The following CASP8 variants were observed in gnomAD, a reference collection of about 807,000 sequenced individuals.
CASP8 encodes caspase 8, also known as caspase-8.
A neutral mutation model predicts 46.3 loss-of-function variants in CASP8; 24 were observed. The ratio of observed to expected loss-of-function variants is 0.52; its 90% CI spans 0.38 to 0.73. The LOEUF (loss-of-function observed/expected upper bound fraction) is 0.73. Ranked by LOEUF, CASP8 falls within the 30% of genes least tolerant of loss-of-function variation. CASP8 has a pLI of 0.00. For synonymous variants in CASP8, 188 were observed against 200.4 expected (o/e 0.94, Z 0.52); for missense variants, 460 against 559.0 (o/e 0.82, Z 1.79).
rs890936311 is a variant in CASP8, at chr2:201,280,374, G to A, written c.802+3406G>A. On this transcript the variant is annotated intron_variant, in intron 7 of 8. Transcript: ENST00000673742. ...TGGAACTTTCCAAGAACGAAATGACGCAATCTCCAGATTGAAAGGGTATAA... is the reference window on the plus strand; with the variant it reads ...TGGAACTTTCCAAGAACGAAATGACACAATCTCCAGATTGAAAGGGTATAA... 4.6e-5 allele frequency among the ~76,000 whole-genome samples: 7 copies of A among 152,148 alleles called. No homozygotes were observed. In the South Asian group the frequency reaches 8.3e-4, roughly 18 times the overall value.
intron 2 of CASP8, among the ~76,000 whole-genome samples, chr2:201,238,176 G>T (rs116212362): frequency 6.6e-6 from 1 of 152,094 alleles, no homozygotes; most frequent in Admixed American, 6.6e-5. Context: ...AAAGTATGAG[G>T]GAACAACAGG....
At chr2:201,268,977 C>T (rs948343760) in intron 2 of CASP8, among the ~76,000 whole-genome samples, 5 of 150,490 alleles carry the variant, frequency 3.3e-5, no homozygotes, top group Non-Finnish European at 5.9e-5. Context: ...CTCACTACAT[C>T]GCCCAAGCTG....
At chr2:201,274,756 C>A (rs1367630917) in intron 5 of CASP8, 133 bp from the exon 6 acceptor site, 13 of 743,356 alleles carry the variant, frequency 1.7e-5, no homozygotes, top group Non-Finnish European at 2.6e-5. Context: ...GGATTACCGG[C>A]GTGAGCCCCT....
chr2:201,281,776 A>G (rs1330894315), intron 7 of CASP8: 1 of 1,108,822 alleles, frequency 9.0e-7, no homozygotes, highest in Non-Finnish European at 1.3e-6. Context: ...CTTGTAAACT[A>G]GTTTACTAGA....
chr2:201,278,535 T>G (rs528766615), intron 7 of CASP8, among the ~76,000 whole-genome samples: 1 of 152,084 alleles, frequency 6.6e-6, no homozygotes, highest in South Asian at 2.1e-4. Context: ...TAGACTGTAT[T>G]TTTTCTTTTT....
At chr2:201,243,325 T>C (rs1559330127) in intron 2 of CASP8, among the ~76,000 whole-genome samples, 1 of 152,220 alleles carries the variant, frequency 6.6e-6, no homozygotes. Flanking sequence ...CTAATTTCCA[T>C]TTAATTAAAA....
intron 5 of CASP8, 87 bp downstream of exon 5, chr2:201,273,029 C>A: frequency 1.9e-6 from 2 of 1,073,484 alleles, no homozygotes; most frequent in Non-Finnish European, 2.9e-6. Context: ...CTACCACATG[C>A]ACATCTTAAC....
intron 2 of CASP8, among the ~76,000 whole-genome samples, chr2:201,247,817 T>G (rs1264929120): frequency 6.6e-6 from 1 of 152,158 alleles, no homozygotes; most frequent in Non-Finnish European, 1.5e-5. Context: ...GCTAATTTTT[T>G]GTATTTTTAG....
chr2:201,253,293 C>CTTCT (rs1946867298), intron 2 of CASP8, among the ~76,000 whole-genome samples: 1 of 67,954 alleles, frequency 1.5e-5, no homozygotes, highest in Non-Finnish European at 2.6e-5. Context: ...CTAGCCTGAT[C>CTTCT]TTTTTTTTTT....
Sources: gnomAD v4.1 joint callset for allele counts (sites outside exome capture counted in the v4.1 genomes callset) on GRCh38, gnomAD v4.1.1 for gene constraint, MANE v1.5 for transcripts, NCBI Gene and HGNC (gene_info 2026-07-23, HGNC 2026-07-21) for gene names.